TRIM55: variants seen among roughly 807,000 people sequenced by gnomAD.
TRIM55 encodes the protein tripartite motif-containing protein 55.
A neutral mutation model predicts 60.9 loss-of-function variants in TRIM55; 50 were observed. The observed-to-expected ratio is 0.82, with a 90% CI of 0.65 to 1.04. TRIM55 has a LOEUF of 1.04. TRIM55 is among the 50% of genes least tolerant of loss of function. TRIM55 has a pLI of 0.00. For missense variants in TRIM55, 681 were observed against 666.9 expected, an observed-to-expected ratio of 1.02 and a Z score of -0.23; for synonymous variants, 237 against 238.1, an observed-to-expected ratio of 1.00 and a Z score of 0.04.
At chr8:66,142,557 C>T (rs1809879750) in intron 4 of TRIM55, among the ~76,000 whole-genome samples, 1 of 152,216 alleles carries the variant, frequency 6.6e-6, no homozygotes, top group Admixed American at 6.5e-5. Flanking sequence ...ATAGCGTCTA[C>T]TCAAGAAGAT....
chr8:66,155,376 G>T lies in TRIM55; in HGVS notation c.1524+1042G>T, dbSNP rs1278943699. ...GACAAAAATAAATGTTTGGTGGGAA[G>T]AAATCTTATGAGGTGGTTTTTAGGT... is the stretch of plus-strand genomic sequence containing the variant. On this transcript the variant is annotated intron_variant, in intron 9 of 9. Transcript: ENST00000315962. Among the ~76,000 whole-genome samples the T allele has an allele frequency of 4.6e-5, 7 of 152,192 alleles. No homozygotes were observed. The East Asian group carries it at 1.3e-3, about 29-fold the overall frequency.
Position 66,174,654 on chromosome 8 carries a change from G to A in TRIM55, c.*61G>A. 6.8e-7 allele frequency: 1 copy of A among 1,479,842 alleles called. No individual in the cohort carries two copies. Among genetic ancestry groups the A allele is most frequent in the Non-Finnish European group, 8.9e-7 (1 of 1,118,414 alleles). The allele number at this position is 1,479,842 out of a possible 1,614,324, so 91.7% of individuals were successfully genotyped here. ...CTGAGATGCATGTGGGCAGCAGGAA[G>A]CCCAAGTGAAATTAATATTATGCAG... On this transcript the variant is annotated 3_prime_UTR_variant, in exon 10 of 10. Transcript: ENST00000315962.
intron 8 of TRIM55, among the ~76,000 whole-genome samples, chr8:66,152,943 GT>G (rs1206498530): frequency 6.8e-6 from 1 of 147,002 alleles, no homozygotes; most frequent in Non-Finnish European, 1.5e-5. Context: ...GTGTGTGTGT[GT>G]GTCCATGTCT....
chr8:66,131,731 G>A (rs150707566), intron 2 of TRIM55, among the ~76,000 whole-genome samples: 2 of 152,290 alleles, frequency 1.3e-5, no homozygotes, highest in Non-Finnish European at 2.9e-5. Context: ...CAGTTCCAGA[G>A]CCTTTCCAGG....
intron 5 of TRIM55, 42 bp from the exon 6 acceptor site, chr8:66,150,175 G>A: frequency 6.2e-7 from 1 of 1,601,116 alleles, no homozygotes; most frequent in Non-Finnish European, 8.5e-7. Context: ...TGTCTTTTGT[G>A]GAAATAATTT....
chr8:66,126,317 A>G (rs1808816943), upstream of TRIM55, among the ~76,000 whole-genome samples: 1 of 152,246 alleles, frequency 6.6e-6, no homozygotes, highest in African/African-American at 2.4e-5. Context: ...CTATTATATA[A>G]TTTAAGAATT....
chr8:66,139,144 A>G (rs1809655715), intron 4 of TRIM55, among the ~76,000 whole-genome samples: 1 of 152,230 alleles, frequency 6.6e-6, no homozygotes, highest in African/African-American at 2.4e-5. Context: ...TTTACAGTAA[A>G]GGCAAAATAC....
rs1290531143 is a variant in TRIM55, at chr8:66,132,664, C to T, written c.342-2326C>T. On this transcript the variant is annotated intron_variant, in intron 2 of 9. Coordinates refer to ENST00000315962, the MANE Select transcript of TRIM55 (RefSeq NM_184085.2). ...CTGACCACAGCTGTGAGCTTGGCTG[C>T]TCTCACCTCATAAACATGTATTTAT... 3.9e-5 allele frequency among the ~76,000 whole-genome samples: 6 copies of T among 152,176 alleles called. 1 individual carries two copies. The highest frequency in any genetic ancestry group is 3.9e-4 in the Admixed American group (6 of 15,280).
upstream of TRIM55, among the ~76,000 whole-genome samples, chr8:66,122,014 C>G (rs1175147147): frequency 6.6e-6 from 1 of 152,082 alleles, no homozygotes. Flanking sequence ...CTCCTTAGAG[C>G]AGAGCACTCC....
intron 7 of TRIM55, 148 bp downstream of exon 7, chr8:66,150,614 T>C: frequency 1.1e-6 from 1 of 928,796 alleles, no homozygotes. Context: ...GAAGCTCTAT[T>C]TCATTACAGG....
chr8:66,174,251 T>C (rs1811797039), intron 9 of TRIM55, among the ~76,000 whole-genome samples: 1 of 151,926 alleles, frequency 6.6e-6, no homozygotes, highest in South Asian at 2.1e-4. Flanking sequence ...GTTCCTTCTT[T>C]TTGTATCATG....
chr8:66,136,991 T>A (rs1809513505), intron 3 of TRIM55, 104 bp from the exon 4 acceptor site: 1 of 901,714 alleles, frequency 1.1e-6, no homozygotes, highest in Non-Finnish European at 1.7e-6. Flanking sequence ...AGGGGTTGCA[T>A]GGATCCTAAA....
intron 8 of TRIM55, 97 bp from the exon 9 acceptor site, chr8:66,153,950 C>A: frequency 8.3e-7 from 1 of 1,209,114 alleles, no homozygotes; most frequent in Non-Finnish European, 1.1e-6. Flanking sequence ...AGGGAGCGCA[C>A]AGTGTTCAAA....
At chr8:66,150,692 A>G (rs1298224158) in intron 7 of TRIM55, among the ~76,000 whole-genome samples, 1 of 147,976 alleles carries the variant, frequency 6.8e-6, no homozygotes, top group South Asian at 2.1e-4. Flanking sequence ...TTTTTGATGG[A>G]CTCTCACTCT....
intron 4 of TRIM55, among the ~76,000 whole-genome samples, chr8:66,137,825 G>C (rs1809573983): frequency 6.6e-6 from 1 of 150,952 alleles, no homozygotes; most frequent in South Asian, 2.1e-4. Context: ...GCTCATATTT[G>C]AGCTTGCCGT....
intron 2 of TRIM55, among the ~76,000 whole-genome samples, chr8:66,131,937 T>TC (rs1809182156): frequency 6.6e-6 from 1 of 152,228 alleles, no homozygotes; most frequent in Non-Finnish European, 1.5e-5. Context: ...TATTTCCTTA[T>TC]CCTCATTTCA....
At chr8:66,172,848 A>G (rs572252075) in intron 9 of TRIM55, among the ~76,000 whole-genome samples, 11 of 152,332 alleles carry the variant, frequency 7.2e-5, no homozygotes, top group South Asian at 6.2e-4. Context: ...GGAATTCGCT[A>G]TTTGCTCAAA....
the TRIM55 span, among the ~76,000 whole-genome samples, chr8:66,115,680 T>C: frequency 6.6e-6 from 1 of 152,220 alleles, no homozygotes; most frequent in Non-Finnish European, 1.5e-5. Flanking sequence ...GAAGCAGTAA[T>C]GCATAGTGGT....
Position 66,135,117 on chromosome 8 carries a change from C to A in TRIM55, c.469C>A (p.Gln157Lys), listed in dbSNP as rs370883188. The change falls in exon 3 of 10, where the codon CAG becomes AAG. Residue 157 changes from glutamine (Q) to lysine (K), a missense_variant. Coordinates refer to ENST00000315962, the MANE Select transcript of TRIM55 (RefSeq NM_184085.2). ...GGTGTTTGGTGCACACAAAGACTGC[C>A]AGGTGGCTCCCCTCACTCATGTGTT... Reference protein sequence around the residue: ...CKVFGAHKDCQVAPLTHVFQR... With the variant: ...CKVFGAHKDCKVAPLTHVFQR... The A allele has an allele frequency of 7.3e-5, 118 of 1,614,186 alleles. No individual in the cohort carries two copies. In the East Asian group the frequency reaches 1.7e-3, roughly 23 times the overall value.
Sources: allele counts gnomAD v4.1 joint callset (sites outside exome capture counted in the v4.1 genomes callset), GRCh38; gene constraint gnomAD v4.1.1; transcripts MANE v1.5; gene names NCBI Gene and HGNC (gene_info 2026-07-23, HGNC 2026-07-21).